The following EXOC2 variants were observed in gnomAD, a reference collection of about 807,000 sequenced individuals.
EXOC2 encodes the protein exocyst complex component 2, also known as SEC5-like 1.
In EXOC2, 70 loss-of-function variants were observed where a neutral mutation model predicts 131.8. That is an observed-to-expected ratio of 0.53 (90% CI 0.44 to 0.65). The LOEUF (loss-of-function observed/expected upper bound fraction) is 0.65. EXOC2 is among the 30% of genes least tolerant of loss of function. EXOC2 has a pLI of 0.00. For synonymous variants in EXOC2, 411 were observed against 398.4 expected, an observed-to-expected ratio of 1.03 and a Z score of -0.38; for missense variants, 923 against 1,108.6, an observed-to-expected ratio of 0.83 and a Z score of 2.38.
At chr6:549,127 T>C in intron 22 of EXOC2, 48 bp downstream of exon 22, 1 of 1,494,168 alleles carries the variant, frequency 6.7e-7, no homozygotes, top group Non-Finnish European at 9.3e-7. Context: ...GCTTGAAAAC[T>C]GAGCTGGTAA....
intron 1 of EXOC2, among the ~76,000 whole-genome samples, chr6:691,011 G>C (rs2127824730): frequency 6.6e-6 from 1 of 152,252 alleles, no homozygotes; most frequent in Middle Eastern, 3.4e-3. Context: ...CCTACTATGT[G>C]GCAGACGCTG....
At chr6:566,810 G>C (rs759956457) in intron 13 of EXOC2, among the ~76,000 whole-genome samples, 10 of 152,116 alleles carry the variant, frequency 6.6e-5, no homozygotes, top group Non-Finnish European at 1.2e-4. Flanking sequence ...ACCCATATGT[G>C]AATATTGAAT....
At position 638,397 on chromosome 6, in the gene EXOC2, C is replaced by T. The variant is rs186997922; in HGVS notation, c.-43-536G>A. 3.3e-5 allele frequency among the ~76,000 whole-genome samples: 5 copies of T among 152,258 alleles called. No homozygotes were observed. In the East Asian group the frequency reaches 7.7e-4, roughly 24 times the overall value. On this transcript the variant is annotated intron_variant, in intron 1 of 27. Coordinates refer to ENST00000230449, the MANE Select transcript of EXOC2 (RefSeq NM_018303.6). Reference sequence around the variant, plus strand: ...ACAAAACCTAGAACGTAGATACAGGCAGAAGCATGAATTTGCTAGCTGTTG... The same window carrying T: ...ACAAAACCTAGAACGTAGATACAGGTAGAAGCATGAATTTGCTAGCTGTTG...
chr6:532,413 G>C (rs1000904664), intron 23 of EXOC2, 56 bp downstream of exon 23: 1 of 1,392,396 alleles, frequency 7.2e-7, no homozygotes. Flanking sequence ...ATTCAAGCAA[G>C]TATCAATTGA....
chr6:553,390 A>AGTGTGTGT (rs34996425), intron 21 of EXOC2, among the ~76,000 whole-genome samples: 158 of 150,044 alleles, frequency 1.1e-3, no homozygotes, highest in African/African-American at 1.4e-3. Context: ...TTTGTGTATA[A>AGTGTGTGT]GTGTGTGTGT....
At chr6:572,863 A>T (rs1349066915) in intron 12 of EXOC2, among the ~76,000 whole-genome samples, 1 of 152,220 alleles carries the variant, frequency 6.6e-6, no homozygotes, top group Non-Finnish European at 1.5e-5. Flanking sequence ...GGCAAGGAAG[A>T]GCCCCTCTCC....
At chr6:614,055 T>C (rs1760852461) in intron 6 of EXOC2, among the ~76,000 whole-genome samples, 1 of 152,158 alleles carries the variant, frequency 6.6e-6, no homozygotes, top group Non-Finnish European at 1.5e-5. Context: ...TATCATGTTA[T>C]TATGCACCAA....
At chr6:633,799 A>C (rs1038277774) in intron 2 of EXOC2, among the ~76,000 whole-genome samples, 3 of 152,252 alleles carry the variant, frequency 2.0e-5, no homozygotes, top group Middle Eastern at 3.4e-3. Context: ...CAGTAAACCT[A>C]CACTCCCAGA....
At chr6:622,705 A>G (rs1761354711) in intron 4 of EXOC2, among the ~76,000 whole-genome samples, 1 of 152,316 alleles carries the variant, frequency 6.6e-6, no homozygotes, top group Non-Finnish European at 1.5e-5. Context: ...GTTTTAAAAA[A>G]CAGAATGTAC....
chr6:668,535 A>T (rs1291696183), intron 1 of EXOC2, among the ~76,000 whole-genome samples: 1 of 152,152 alleles, frequency 6.6e-6, no homozygotes, highest in Non-Finnish European at 1.5e-5. Context: ...TCACCCATTC[A>T]GTCATCACTT....
intron 1 of EXOC2, among the ~76,000 whole-genome samples, chr6:659,974 C>T (rs990475100): frequency 1.4e-5 from 2 of 143,856 alleles, no homozygotes; most frequent in African/African-American, 5.1e-5. Context: ...ATTTTCAAGC[C>T]GTCTTGCCAC....
intron 22 of EXOC2, among the ~76,000 whole-genome samples, chr6:547,644 AT>A (rs1756937304): frequency 6.6e-6 from 1 of 152,250 alleles, no homozygotes; most frequent in Non-Finnish European, 1.5e-5. Context: ...TCACAAATGA[AT>A]AAAATCAGTG....
intron 21 of EXOC2, among the ~76,000 whole-genome samples, chr6:553,390 A>AGTGTGT (rs34996425): frequency 0.035 from 5,194 of 150,002 alleles, 91 homozygotes; most frequent in Non-Finnish European, 0.043. Flanking sequence ...TTTGTGTATA[A>AGTGTGT]GTGTGTGTGT....
At chr6:653,898 T>A (rs1762941154) in intron 1 of EXOC2, among the ~76,000 whole-genome samples, 1 of 152,230 alleles carries the variant, frequency 6.6e-6, no homozygotes, top group Non-Finnish European at 1.5e-5. Flanking sequence ...AATTTTCAGT[T>A]GAAGCCAATG....
intron 22 of EXOC2, among the ~76,000 whole-genome samples, chr6:538,235 GA>G (rs1169636060): frequency 1.3e-5 from 2 of 152,158 alleles, no homozygotes; most frequent in African/African-American, 2.4e-5. Context: ...GATAATTCAG[GA>G]AACTTGCATA....
At position 617,752 on chromosome 6, in the gene EXOC2, C is replaced by T; in HGVS notation, c.620G>A (p.Gly207Asp). ...KSEGSLAYVKGGLSTFFEAQD... is the reference protein window; with the variant it reads ...KSEGSLAYVKDGLSTFFEAQD... ...TGCTTCGAAGAATGTACTGAGACCG[C>T]CTTTCACATAGGCCAGGCTGCCCTC... is the stretch of plus-strand genomic sequence containing the variant. Residue 207 changes from glycine to aspartate, a missense_variant, in exon 6 of 28, where the codon GGC becomes GAC. Gly to Asp is a moderately conservative substitution (Grantham distance 94). Transcript: ENST00000230449. 6.2e-7 allele frequency: 1 copy of T among 1,613,482 alleles called. No homozygotes were observed. Among genetic ancestry groups the T allele is most frequent in the African/African-American group, 1.3e-5 (1 of 75,038 alleles).
At position 634,260 on chromosome 6, in the gene EXOC2, T is replaced by A. The variant is rs140307959; in HGVS notation, c.119-1143A>T. On this transcript the variant is annotated intron_variant, in intron 2 of 27. Coordinates refer to ENST00000230449, the MANE Select transcript of EXOC2 (RefSeq NM_018303.6). The stretch of plus-strand genomic sequence containing the variant: ...TTTTTGTTGTTGTTTTGTTTTTGTA[T>A]TTTTTTTAGAGACACAGTTTCGTCA... Among the ~76,000 whole-genome samples, 1,109 of 151,930 alleles carry A rather than the reference T, an allele frequency of 7.3e-3. 6 individuals carry two copies. Among genetic ancestry groups the A allele is most frequent in the African/African-American group, 0.025 (1,046 of 41,438 alleles).
At chr6:538,417 G>T (rs930762147) in intron 22 of EXOC2, among the ~76,000 whole-genome samples, 1 of 152,234 alleles carries the variant, frequency 6.6e-6, no homozygotes, top group Admixed American at 6.5e-5. Context: ...ATCGCTATCT[G>T]AGAGTGAGGA....
rs139339425 is a variant in EXOC2, at chr6:499,612, C to G, written c.2436+33G>C. Reference sequence around the variant, plus strand: ...TTCTTTTTTCTTTTTTTTGGTTATCCATATCTCTTAGGAACATCTAATGAT... The same window carrying G: ...TTCTTTTTTCTTTTTTTTGGTTATCGATATCTCTTAGGAACATCTAATGAT... On this transcript the variant is annotated intron_variant, in intron 24 of 27. Coordinates refer to ENST00000230449, the MANE Select transcript of EXOC2 (RefSeq NM_018303.6). The G allele has an allele frequency of 3.0e-4, 464 of 1,561,080 alleles. 1 individual carries two copies. In the African/African-American group the frequency reaches 5.7e-3, roughly 19 times the overall value.
Sources: allele counts gnomAD v4.1 joint callset (sites outside exome capture counted in the v4.1 genomes callset), GRCh38; gene constraint gnomAD v4.1.1; transcripts MANE v1.5; gene names NCBI Gene and HGNC (gene_info 2026-07-23, HGNC 2026-07-21).